NUMA1: variants seen among roughly 807,000 people sequenced by gnomAD.
NUMA1 encodes nuclear mitotic apparatus protein 1, also known as SP-H antigen.
Under a neutral mutation model 237.1 loss-of-function variants are expected in NUMA1, and 62 were observed. That is an observed-to-expected ratio of 0.26 (90% CI 0.21 to 0.32). The LOEUF (loss-of-function observed/expected upper bound fraction) is 0.32, where lower values mean the gene tolerates loss of function less well. NUMA1 is among the 10% of genes least tolerant of loss of function. NUMA1 has a pLI of 1.00. For synonymous variants in NUMA1, 1,028 were observed against 1,066.1 expected, an observed-to-expected ratio of 0.96 and a Z score of 0.70; for missense variants, 2,533 against 2,666.5, an observed-to-expected ratio of 0.95 and a Z score of 1.10.
At chr11:72,011,191 CCA>C (rs1468038623) in intron 16 of NUMA1, among the ~76,000 whole-genome samples, 1 of 152,200 alleles carries the variant, frequency 6.6e-6, no homozygotes, top group African/African-American at 2.4e-5. Flanking sequence ...CTTGCTGCCG[CCA>C]CACTCTGCAG....
chr11:72,025,736 T>C (rs1939496125), intron 4 of NUMA1, among the ~76,000 whole-genome samples: 1 of 152,226 alleles, frequency 6.6e-6, no homozygotes, highest in South Asian at 2.1e-4. Context: ...AGACTATGAG[T>C]GTACCTCCCC....
chr11:72,029,998 G>A (rs1032892965), intron 3 of NUMA1, among the ~76,000 whole-genome samples: 1 of 152,066 alleles, frequency 6.6e-6, no homozygotes, highest in African/African-American at 2.4e-5. Context: ...TGGCTGAGGG[G>A]AGAAGGGAAA....
intron 2 of NUMA1, among the ~76,000 whole-genome samples, chr11:72,052,114 G>C (rs1468464667): frequency 6.6e-6 from 1 of 152,202 alleles, no homozygotes; most frequent in East Asian, 1.9e-4. Flanking sequence ...AAAACAGGTG[G>C]CTCTGAAAGG....
At chr11:72,012,063 GAC>G (rs1321969683) in intron 16 of NUMA1, among the ~76,000 whole-genome samples, 1 of 152,200 alleles carries the variant, frequency 6.6e-6, no homozygotes, top group East Asian at 1.9e-4. Context: ...TCCTTAACTA[GAC>G]ACAGTACTTG....
intron 14 of NUMA1, 49 bp from the exon 15 acceptor site, chr11:72,016,309 C>G: frequency 6.3e-7 from 1 of 1,584,144 alleles, no homozygotes; most frequent in South Asian, 1.1e-5. Flanking sequence ...CCTCAGTCAT[C>G]AAGACTCCTC....
chr11:72,015,726 C>T lies in NUMA1; in HGVS notation c.1777G>A (p.Glu593Lys). 1 of 1,614,192 alleles carries T rather than the reference C, an allele frequency of 6.2e-7. No individual in the cohort carries two copies. The highest frequency in any genetic ancestry group is 8.5e-7 in the Non-Finnish European group (1 of 1,180,046). ...QQLATAAEEREASLRERDAAL... is the reference protein window; with the variant it reads ...QQLATAAEERKASLRERDAAL... ...GCATCCCGCTCCCTTAAGGAGGCCT[C>T]TCGCTCCTCTGCAGCAGTGGCCAGT... is the stretch of plus-strand genomic sequence containing the variant. The change falls in exon 15 of 27, where the codon GAG becomes AAG. Residue 593 changes from glutamate to lysine, a missense_variant. By Grantham distance (56) the Glu-to-Lys change is moderately conservative (BLOSUM62 1). Transcript: ENST00000393695. The surrounding 1 kb of genome is among the most constrained non-coding windows in gnomAD (Gnocchi z 4.0).
At chr11:72,028,924 T>C (rs879689324) in intron 4 of NUMA1, among the ~76,000 whole-genome samples, 3 of 152,192 alleles carry the variant, frequency 2.0e-5, no homozygotes, top group Non-Finnish European at 2.9e-5. Flanking sequence ...GAGTGAGCAC[T>C]TGGAAGAATG....
At position 72,007,704 on chromosome 11, in the gene NUMA1, G is replaced by A. The variant is rs1007695206; in HGVS notation, c.5217-269C>T. The A allele has an allele frequency of 5.7e-5, 29 of 509,900 alleles. 1 individual carries two copies. Among genetic ancestry groups the A allele is most frequent in the South Asian group, 3.1e-4 (14 of 44,986 alleles). The allele number at this position is 509,900 out of a possible 1,614,324, so 31.6% of individuals were successfully genotyped here. A position where few individuals can be genotyped will look rare whatever the true frequency, so the allele number is the denominator to read the frequency against. On this transcript the variant is annotated intron_variant, in intron 20 of 26. Transcript: ENST00000393695. ...ACCAGATGCCCATGGCTGCTTCACA[G>A]CAAACACGTCCCAATCTAAGCCCAC...
chr11:72,012,999 C>T lies in NUMA1; in HGVS notation c.4504G>A (p.Ala1502Thr). 1 of 1,614,186 alleles carries T rather than the reference C, an allele frequency of 6.2e-7. No homozygotes were observed. Among genetic ancestry groups the T allele is most frequent in the Non-Finnish European group, 8.5e-7 (1 of 1,180,030 alleles). ...GCAGTCATCACCTCCAGCTCCCGGG[C>T]AGTGCTCTGTGCTTCTCGCTGCACC... ...AEVQREAQST[A>T]RELEVMTAKY... Residue 1502 changes from alanine to threonine, a missense_variant, in exon 15 of 27, where the codon GCC (alanine) becomes ACC (threonine). This residue lies in a region of NUMA1 where 324 missense variants were observed against 407.6 expected (regional missense o/e 0.79). Coordinates refer to ENST00000393695, the MANE Select transcript of NUMA1 (RefSeq NM_006185.4).
At chr11:72,018,670 AAGAC>A (rs1301240069) in intron 10 of NUMA1, among the ~76,000 whole-genome samples, 149 bp downstream of exon 10, 3 of 152,118 alleles carry the variant, frequency 2.0e-5, no homozygotes, top group Admixed American at 2.0e-4. Context: ...GATGGGGACA[AAGAC>A]AGAACCTAGC....
intron 2 of NUMA1, among the ~76,000 whole-genome samples, chr11:72,059,370 G>A (rs937383600): frequency 1.8e-4 from 27 of 152,174 alleles, no homozygotes; most frequent in Non-Finnish European, 3.8e-4. Context: ...TCAACCACCT[G>A]GGCTCAGGTG....
intron 13 of NUMA1, 176 bp downstream of exon 13, chr11:72,017,511 G>C (rs774229299): frequency 1.4e-6 from 1 of 720,400 alleles, no homozygotes; most frequent in Admixed American, 2.4e-5. Flanking sequence ...AAAAAAATAA[G>C]TTAAAAAAAA....
chr11:72,030,047 G>A (rs1940086316), intron 3 of NUMA1, among the ~76,000 whole-genome samples: 1 of 152,038 alleles, frequency 6.6e-6, no homozygotes, highest in African/African-American at 2.4e-5. Context: ...AAAAGGGGGT[G>A]GAGGGAGCCA....
chr11:72,019,069 G>A, intron 9 of NUMA1, 89 bp from the exon 10 acceptor site: 4 of 1,447,100 alleles, frequency 2.8e-6, no homozygotes, highest in Non-Finnish European at 3.8e-6. Flanking sequence ...CGGGGTCTAT[G>A]GAAGTGCGCA....
chr11:72,069,932 C>G (rs1943371061), intron 1 of NUMA1, 21 bp from the exon 2 acceptor site: 1 of 152,204 alleles, frequency 6.6e-6, no homozygotes, highest in Admixed American at 6.5e-5. Context: ...GGCAAAGGGA[C>G]AGGAATGATT....
chr11:72,028,942 G>A (rs538118941), intron 4 of NUMA1, among the ~76,000 whole-genome samples: 6 of 152,322 alleles, frequency 3.9e-5, no homozygotes, highest in East Asian at 1.9e-4. Context: ...ATGTGAGGGC[G>A]TGGAGCCTTG....
chr11:72,019,140 A>G (rs1001520013), intron 9 of NUMA1, 160 bp from the exon 10 acceptor site: 2 of 735,344 alleles, frequency 2.7e-6, no homozygotes, highest in African/African-American at 1.8e-5. Flanking sequence ...GCCTCATGAC[A>G]TGATCTTGGG....
rs1173569552 is a variant in NUMA1 at position 72,003,261 on chromosome 11, G to A, written c.*266C>T. On this transcript the variant is annotated 3_prime_UTR_variant, in exon 27 of 27. Transcript: ENST00000393695. ...CAGCCTCAAATCTGGTTGTGATGGAGAAGTGACTTTGCTTTAAGAAAAAAG... is the reference window on the plus strand; with the variant it reads ...CAGCCTCAAATCTGGTTGTGATGGAAAAGTGACTTTGCTTTAAGAAAAAAG... 7.6e-6 allele frequency: 4 copies of A among 523,048 alleles called. No individual in the cohort carries two copies. Among genetic ancestry groups the A allele is most frequent in the Non-Finnish European group, 1.4e-5 (4 of 290,776 alleles). 32.4% of individuals were successfully genotyped at this position (523,048 alleles called of 1,614,324 possible). A position where few individuals can be genotyped will look rare whatever the true frequency, so the allele number is the denominator to read the frequency against.
rs1214585781 is a variant in NUMA1 at position 72,003,185 on chromosome 11, C to G, written c.*342G>C. On this transcript the variant is annotated 3_prime_UTR_variant, in exon 27 of 27. Coordinates refer to ENST00000393695, the MANE Select transcript of NUMA1 (RefSeq NM_006185.4). ...ACTCCTCTTATGGTCCCTTCTAGAT[C>G]CAGAGGCTAAGAGGAAGACTGGCCA... The G allele has an allele frequency of 2.6e-6, 1 of 387,134 alleles. No individual in the cohort carries two copies. The highest frequency in any genetic ancestry group is 2.0e-5 in the African/African-American group (1 of 49,822). The allele number at this position is 387,134 out of a possible 1,614,324, so 24.0% of individuals were successfully genotyped here. A position where few individuals can be genotyped will look rare whatever the true frequency, so the allele number is the denominator to read the frequency against.
Sources: gnomAD v4.1 joint callset for allele counts (sites outside exome capture counted in the v4.1 genomes callset) on GRCh38, gnomAD v4.1.1 for gene constraint, gnomAD v4.1.1 regional missense constraint, Gnocchi (gnomAD v3.1) non-coding constraint, MANE v1.5 for transcripts, NCBI Gene and HGNC (gene_info 2026-07-23, HGNC 2026-07-21) for gene names.